The following ZNF619 variants were observed in gnomAD, a reference collection of about 807,000 sequenced individuals.
The protein encoded by ZNF619 is zinc finger protein 619.
A neutral mutation model predicts 14.2 loss-of-function variants in ZNF619; 9 were observed. The observed-to-expected ratio is 0.64, with a 90% CI of 0.38 to 1.11. The LOEUF (loss-of-function observed/expected upper bound fraction) is 1.11. Ranked by LOEUF, ZNF619 falls within the 50% of genes least tolerant of loss-of-function variation. ZNF619 has a pLI of 0.01. For synonymous variants in ZNF619, 246 were observed against 252.8 expected (o/e 0.97, Z 0.26); for missense variants, 659 against 680.1 (o/e 0.97, Z 0.34).
At chr3:40,478,596 G>A (rs761595303) in intron 2 of ZNF619, among the ~76,000 whole-genome samples, 11 of 152,066 alleles carry the variant, frequency 7.2e-5, no homozygotes, top group Non-Finnish European at 1.3e-4. Context: ...AGCTCAATGC[G>A]AAGACGTCAG....
chr3:40,481,578 T>C (rs1371724078), intron 2 of ZNF619, among the ~76,000 whole-genome samples: 1 of 152,088 alleles, frequency 6.6e-6, no homozygotes, highest in Non-Finnish European at 1.5e-5. Context: ...GTGGTCGATT[T>C]AGAAAGCATG....
At chr3:40,482,827 A>G (rs542716817) in intron 4 of ZNF619, 123 bp downstream of exon 4, 17 of 725,080 alleles carry the variant, frequency 2.3e-5, no homozygotes, top group Non-Finnish European at 3.9e-5. Context: ...AGTCACTCTT[A>G]TTCAAAGAAG....
Position 40,487,275 on chromosome 3 carries a change from T to G in ZNF619, c.765T>G (p.Thr255=), listed in dbSNP as rs747819613. Residue 255 remains threonine (T), a synonymous_variant, in exon 5 of 5, where the codon ACT becomes ACG. Transcript: ENST00000432264. ...SKLSRHQKIH[T]GEKPYSCEEC... is the part of the protein sequence containing the mutation. ...TGTCACGGCATCAGAAAATCCACACTGGAGAGAAACCATACTCATGTGAGG... is the reference window on the plus strand; with the variant it reads ...TGTCACGGCATCAGAAAATCCACACGGGAGAGAAACCATACTCATGTGAGG... The G allele has an allele frequency of 2.5e-6, 4 of 1,614,042 alleles. No individual in the cohort carries two copies. The Admixed American group carries it at 6.7e-5, about 27-fold the overall frequency.
Position 40,487,707 on chromosome 3 carries a change from C to T in ZNF619, c.1197C>T (p.Leu399=). The part of the protein sequence containing the change: ...QHQRFHTGEQ[L]YKCNECWKTF... ...AGAGGTTCCACACTGGGGAACAACT[C>T]TACAAATGTAATGAATGTTGGAAAA... Residue 399 remains leucine, a synonymous_variant, in exon 5 of 5, where the codon CTC becomes CTT. Coordinates refer to ENST00000432264, the MANE Select transcript of ZNF619 (RefSeq NM_001145093.4). 1.2e-6 allele frequency: 2 copies of T among 1,614,114 alleles called. No individual in the cohort carries two copies. The highest frequency in any genetic ancestry group is 2.2e-5 in the South Asian group (2 of 91,090).
intron 2 of ZNF619, among the ~76,000 whole-genome samples, chr3:40,479,278 T>C (rs1697305484): frequency 6.6e-6 from 1 of 152,188 alleles, no homozygotes; most frequent in Non-Finnish European, 1.5e-5. Context: ...TTGCATTTCA[T>C]TGGCCCCACT....
rs1395865159 is a variant in ZNF619, at chr3:40,483,594, C to A, written c.295+890C>A. The stretch of plus-strand genomic sequence containing the variant: ...GTGTGAGGCACCATGCCTGGCCAAG[C>A]ACTTGGTTTTTAAAAAATAGATTTA... On this transcript the variant is annotated intron_variant, in intron 4 of 4. Transcript: ENST00000432264. 1.6e-5 allele frequency: 7 copies of A among 444,484 alleles called. No homozygotes were observed. In the Admixed American group the frequency reaches 1.7e-4, roughly 11 times the overall value. 27.5% of individuals were successfully genotyped at this position (444,484 alleles called of 1,614,324 possible). A position where few individuals can be genotyped will look rare whatever the true frequency, so the allele number is the denominator to read the frequency against.
chr3:40,480,148 T>C (rs907744164), intron 2 of ZNF619, among the ~76,000 whole-genome samples: 14 of 152,204 alleles, frequency 9.2e-5, no homozygotes, highest in Non-Finnish European at 1.8e-4. Context: ...TCAAGAAAAG[T>C]TGAGGTCCAT....
intron 2 of ZNF619, among the ~76,000 whole-genome samples, chr3:40,480,338 A>G (rs1697342976): frequency 6.6e-6 from 1 of 152,136 alleles, no homozygotes; most frequent in African/African-American, 2.4e-5. Context: ...TATTCTGATT[A>G]CTGTATAGTT....
At chr3:40,482,482 C>G in intron 3 of ZNF619, 106 bp from the exon 4 acceptor site, 1 of 1,550,242 alleles carries the variant, frequency 6.5e-7, no homozygotes, top group Non-Finnish European at 8.9e-7. Flanking sequence ...TTCACTTAGT[C>G]TCCTGGGCCA....
At chr3:40,479,172 T>C (rs1193116073) in intron 2 of ZNF619, among the ~76,000 whole-genome samples, 1 of 152,136 alleles carries the variant, frequency 6.6e-6, no homozygotes. Context: ...TCTCTAGCCA[T>C]CATGTGTGCA....
In ZNF619 at chr3:40,487,382, C is replaced by T. The variant is rs371071262; in HGVS notation, c.872C>T (p.Thr291Ile). ...LHGGQRPYEC[T>I]DCGKTFSYNS... ...GGTGGACAGAGGCCCTATGAATGTA[C>T]TGACTGTGGTAAAACCTTCAGTTAT... Residue 291 changes from threonine to isoleucine, a missense_variant, in exon 5 of 5, where the codon ACT (threonine) becomes ATT (isoleucine). Transcript: ENST00000432264. 2 of 1,614,096 alleles carry T rather than the reference C, an allele frequency of 1.2e-6. No individual in the cohort carries two copies. Among genetic ancestry groups the T allele is most frequent in the South Asian group, 1.1e-5 (1 of 91,090 alleles).
intron 3 of ZNF619, chr3:40,482,358 C>T (rs1559536673): frequency 4.5e-6 from 7 of 1,560,158 alleles, no homozygotes; most frequent in Non-Finnish European, 6.1e-6. Flanking sequence ...GTGTGAGTCC[C>T]CTAGGGCCCT....
intron 4 of ZNF619, among the ~76,000 whole-genome samples, chr3:40,486,319 T>C (rs946198991): frequency 6.6e-6 from 1 of 152,230 alleles, no homozygotes; most frequent in African/African-American, 2.4e-5. Flanking sequence ...CCATGTGGGA[T>C]TGCTTACCTT....
rs1474254095 is a variant in ZNF619, at chr3:40,487,052, A to G, written c.542A>G (p.Lys181Arg). The G allele has an allele frequency of 6.2e-7, 1 of 1,614,182 alleles. No homozygotes were observed. Among genetic ancestry groups the G allele is most frequent in the Non-Finnish European group, 8.5e-7 (1 of 1,180,046 alleles). The change falls in exon 5 of 5, where the codon AAA becomes AGA. Residue 181 changes from lysine to arginine, a missense_variant. Coordinates refer to ENST00000432264, the MANE Select transcript of ZNF619 (RefSeq NM_001145093.4). ...STTEREEIARKLEESSVSTHL... is the reference protein window; with the variant it reads ...STTEREEIARRLEESSVSTHL... ...ACTGAAAGGGAGGAGATAGCCAGGA[A>G]ATTGGAAGAAAGTAGTGTCAGCACA... is the stretch of plus-strand genomic sequence containing the variant.
In ZNF619 at chr3:40,486,806, G is replaced by C; in HGVS notation, c.296G>C (p.Gly99Ala). Residue 99 changes from glycine to alanine, a missense_variant and splice_region_variant, in exon 5 of 5, where the codon GGT (glycine) becomes GCT (alanine). Transcript: ENST00000432264. ...TTATGTTTTCTTTTTATCATGCTAG[G>C]TGGTAAAACCAAGACTGAGAATGAG... Reference protein sequence around the residue: ...GGEALRGMCTGGKTKTENEEK... With the variant: ...GGEALRGMCTAGKTKTENEEK... The C allele has an allele frequency of 1.3e-6, 2 of 1,586,104 alleles. No homozygotes were observed. Among genetic ancestry groups the C allele is most frequent in the Admixed American group, 1.9e-5 (1 of 53,208 alleles).
Position 40,487,487 on chromosome 3 carries a change from G to A in ZNF619, c.977G>A (p.Ser326Asn). The A allele has an allele frequency of 6.2e-7, 1 of 1,614,168 alleles. No homozygotes were observed. Among genetic ancestry groups the A allele is most frequent in the Non-Finnish European group, 8.5e-7 (1 of 1,180,012 alleles). The change falls in exon 5 of 5, where the codon AGT (serine) becomes AAT (asparagine). Residue 326 changes from serine to asparagine, a missense_variant. Ser to Asn is a conservative substitution (Grantham distance 46). Transcript: ENST00000432264. ...TGTAAGGAATGTGGGAAAGCCTTCA[G>A]TTGTAGCTATGACTGCATCATCCAT... Reference protein sequence around the residue: ...FKCKECGKAFSCSYDCIIHER... With the variant: ...FKCKECGKAFNCSYDCIIHER...
chr3:40,490,476 A>G lies in ZNF619; in HGVS notation c.*2235A>G, dbSNP rs138451797. Among the ~76,000 whole-genome samples, 2 of 152,280 alleles carry G rather than the reference A, an allele frequency of 1.3e-5. No homozygotes were observed. The highest frequency in any genetic ancestry group is 1.3e-4 in the Admixed American group (2 of 15,292). On this transcript the variant is annotated 3_prime_UTR_variant, in exon 5 of 5. Transcript: ENST00000432264. The stretch of plus-strand genomic sequence containing the variant: ...AGAAGAGAAGACTAGGGAAAGTCTG[A>G]ACCTTCTTAGAGATTACAGGAGGTC...
At position 40,488,251 on chromosome 3, in the gene ZNF619, C is replaced by T. The variant is rs760862105; in HGVS notation, c.*10C>T. On this transcript the variant is annotated 3_prime_UTR_variant, in exon 5 of 5. Coordinates refer to ENST00000432264, the MANE Select transcript of ZNF619 (RefSeq NM_001145093.4). ...GTCTCACTCCCTGTAAGCCCCGTCA[C>T]GTTCTCAAAATCCTTTGCACCTCAA... 4.3e-5 allele frequency: 60 copies of T among 1,381,214 alleles called. No individual in the cohort carries two copies. Among genetic ancestry groups the T allele is most frequent in the Non-Finnish European group, 5.3e-5 (53 of 992,574 alleles). The allele number at this position is 1,381,214 out of a possible 1,614,324, so 85.6% of individuals were successfully genotyped here. A position where few individuals can be genotyped will look rare whatever the true frequency, so the allele number is the denominator to read the frequency against.
At position 40,482,021 on chromosome 3, in the gene ZNF619, G is replaced by A. The variant is rs1161995914; in HGVS notation, c.178+5G>A. 6.3e-7 allele frequency: 1 copy of A among 1,589,508 alleles called. No individual in the cohort carries two copies. The highest frequency in any genetic ancestry group is 8.5e-7 in the Non-Finnish European group (1 of 1,170,552). On this transcript the variant is annotated splice_donor_5th_base_variant and intron_variant, in intron 3 of 4. Transcript: ENST00000432264. ...ATGCAAATGTGACTTCCTTGTGTAA[G>A]TCCTCCTTCCTCTCTGAAACTCAGC...
Sources: allele counts gnomAD v4.1 joint callset (sites outside exome capture counted in the v4.1 genomes callset), GRCh38; gene constraint gnomAD v4.1.1; transcripts MANE v1.5; gene names NCBI Gene and HGNC (gene_info 2026-07-23, HGNC 2026-07-21).